DORIP1: variants seen among roughly 807,000 people sequenced by gnomAD.
DORIP1 encodes dopamine receptor-interacting protein 1.
chr14:44,906,977 G>A, the DORIP1 span: 1 of 152,124 alleles, frequency 6.6e-6, no homozygotes, highest in African/African-American at 2.4e-5. Context: ...ATCTGATTAG[G>A]ATTTAATTTA....
the DORIP1 span, chr14:44,903,970 CTTA>C: frequency 1.0e-6 from 1 of 976,590 alleles, no homozygotes; most frequent in Non-Finnish European, 1.2e-6. Flanking sequence ...GATCCATATA[CTTA>C]ATACCTCATA....
At chr14:44,905,516 C>A in the DORIP1 span, 2 of 1,539,096 alleles carry the variant, frequency 1.3e-6, no homozygotes, top group Admixed American at 1.7e-5. Context: ...CTCCTCTTGT[C>A]ATCATTGGTT....
At chr14:44,900,485 A>G in the DORIP1 span, 18 of 1,569,030 alleles carry the variant, frequency 1.1e-5, no homozygotes, top group Admixed American at 3.4e-4. Flanking sequence ...AATAACTATA[A>G]CCAAGATCGA....
the DORIP1 span, chr14:44,906,459 A>G: frequency 2.0e-5 from 3 of 152,466 alleles, no homozygotes; most frequent in African/African-American, 7.2e-5. Flanking sequence ...ATATTGACAC[A>G]GAGAAAAGAA....
chr14:44,900,729 C>G, the DORIP1 span: 2 of 1,613,980 alleles, frequency 1.2e-6, no homozygotes, highest in South Asian at 1.1e-5. Flanking sequence ...TAATGGACAC[C>G]TACAGTTTTA....
chr14:44,905,133 C>T, the DORIP1 span: 1 of 340,334 alleles, frequency 2.9e-6, no homozygotes, highest in Non-Finnish European at 5.2e-6. Context: ...TACGTGTTTA[C>T]TCTTTTTTAA....
chr14:44,899,611 A>T, the DORIP1 span, among the ~76,000 whole-genome samples: 7 of 152,028 alleles, frequency 4.6e-5, no homozygotes, highest in Non-Finnish European at 7.4e-5. Flanking sequence ...AACAAATAAA[A>T]TATGTAGTAT....
the DORIP1 span, chr14:44,897,291 C>A: frequency 6.5e-6 from 1 of 153,040 alleles, no homozygotes; most frequent in Non-Finnish European, 1.5e-5. Context: ...CGTGCCGAAT[C>A]TTCCTCCGTA....
the DORIP1 span, chr14:44,903,238 A>G: frequency 1.9e-5 from 30 of 1,613,450 alleles, no homozygotes; most frequent in East Asian, 2.2e-5. Flanking sequence ...TGGAAACTTG[A>G]TAAGACTGGC....
the DORIP1 span, chr14:44,897,492 G>GGCA: frequency 2.9e-5 from 6 of 204,280 alleles, no homozygotes; most frequent in Non-Finnish European, 4.8e-5. Flanking sequence ...CGGCGGCGGC[G>GGCA]GCAGCCCGGG....
the DORIP1 span, chr14:44,905,397 C>G: frequency 1.9e-6 from 3 of 1,540,434 alleles, no homozygotes; most frequent in Non-Finnish European, 2.7e-6. Context: ...CATTATTTAA[C>G]AAAGAGGAAC....
the DORIP1 span, chr14:44,906,437 T>C: frequency 6.6e-6 from 1 of 152,200 alleles, no homozygotes; most frequent in East Asian, 1.9e-4. Context: ...CTTCTTTTCC[T>C]AGTGAAGTTT....
the DORIP1 span, chr14:44,904,690 A>C: frequency 1.3e-6 from 1 of 750,800 alleles, no homozygotes; most frequent in Admixed American, 3.6e-5. Context: ...ACAGAGAGTC[A>C]GTTACTAGCA....
the DORIP1 span, chr14:44,900,418 A>G: frequency 7.0e-7 from 1 of 1,436,298 alleles, no homozygotes; most frequent in East Asian, 2.4e-5. Flanking sequence ...GTTCTGTTTT[A>G]AACTTTTAAA....
the DORIP1 span, among the ~76,000 whole-genome samples, chr14:44,902,686 A>G: frequency 9.2e-5 from 14 of 152,206 alleles, no homozygotes; most frequent in South Asian, 2.7e-3. Flanking sequence ...AAATATTTAT[A>G]ATTCTATATT....
chr14:44,903,255 T>A, the DORIP1 span: 2 of 1,613,506 alleles, frequency 1.2e-6, no homozygotes, highest in Non-Finnish European at 8.5e-7. Flanking sequence ...TGGCTGTGAA[T>A]GAGTTATTCT....
chr14:44,901,097 A>G, the DORIP1 span: 4 of 789,864 alleles, frequency 5.1e-6, no homozygotes, highest in East Asian at 2.8e-5. Flanking sequence ...AGGATACTGT[A>G]TATTTAGTAT....
chr14:44,903,312 A>T, the DORIP1 span: 1 of 1,597,260 alleles, frequency 6.3e-7, no homozygotes, highest in South Asian at 1.1e-5. Context: ...TATACAATAG[A>T]CATTTAAAAT....
the DORIP1 span, among the ~76,000 whole-genome samples, chr14:44,899,824 A>ATTTTT: frequency 7.8e-5 from 9 of 115,298 alleles, no homozygotes; most frequent in African/African-American, 1.1e-4. Context: ...TCATTTAGGA[A>ATTTTT]TTTTTTTTTT....
Sources: gnomAD v4.1 joint callset for allele counts (sites outside exome capture counted in the v4.1 genomes callset) on GRCh38, gnomAD v4.1.1 for gene constraint, MANE v1.5 for transcripts, NCBI Gene and HGNC (gene_info 2026-07-23, HGNC 2026-07-21) for gene names.